MMP26: variants seen among roughly 807,000 people sequenced by gnomAD.
MMP26 encodes matrix metalloproteinase-26.
In MMP26, 33 loss-of-function variants were observed where a neutral mutation model predicts 31.0. That is an observed-to-expected ratio of 1.06 (90% CI 0.81 to 1.42). The LOEUF (loss-of-function observed/expected upper bound fraction) is 1.42, where lower values mean the gene tolerates loss of function less well. Ranked by LOEUF, MMP26 falls within the 40% of genes most tolerant of loss-of-function variation. The pLI is 0.00. For synonymous variants in MMP26, 122 were observed against 114.9 expected, an observed-to-expected ratio of 1.06 and a Z score of -0.40; for missense variants, 347 against 316.1, an observed-to-expected ratio of 1.10 and a Z score of -0.74.
At chr11:4,882,678 TC>T in intron 2 of MMP26, 2 of 1,613,932 alleles carry the variant, frequency 1.2e-6, no homozygotes. Context: ...CTGATCAGCC[TC>T]TCTTTGGCAC....
chr11:4,885,280 T>A (rs554361112), intron 2 of MMP26, among the ~76,000 whole-genome samples: 1 of 152,218 alleles, frequency 6.6e-6, no homozygotes, highest in South Asian at 2.1e-4. Context: ...AAATTTAAAA[T>A]CTAATACCAA....
At chr11:4,861,694 C>G (rs1325839160) in intron 2 of MMP26, among the ~76,000 whole-genome samples, 1 of 152,002 alleles carries the variant, frequency 6.6e-6, no homozygotes, top group Non-Finnish European at 1.5e-5. Flanking sequence ...TCATAAACAA[C>G]CACACATAAA....
chr11:4,828,694 G>A (rs1429271121), intron 2 of MMP26, among the ~76,000 whole-genome samples: 1 of 152,110 alleles, frequency 6.6e-6, no homozygotes, highest in Non-Finnish European at 1.5e-5. Flanking sequence ...AACTAGGTCT[G>A]CAATGCTCTC....
rs377575264 is a variant in MMP26, at chr11:4,982,962, A to G, written c.-144-5106A>G. On this transcript the variant is annotated intron_variant, in intron 2 of 7. Coordinates refer to ENST00000380390, the MANE Select transcript of MMP26 (RefSeq NM_021801.5). ...GGTTAAGATCTCACTCCAATTAGCC[A>G]CTAGCAAAGCTTGTATAGGTTTTTA... Among the ~76,000 whole-genome samples, 8 of 152,320 alleles carry G rather than the reference A, an allele frequency of 5.3e-5. No individual in the cohort carries two copies. The Middle Eastern group carries it at 0.014, about 259-fold the overall frequency.
chr11:4,843,279 C>T (rs370787034), intron 2 of MMP26, among the ~76,000 whole-genome samples: 16 of 152,332 alleles, frequency 1.1e-4, no homozygotes, highest in African/African-American at 3.8e-4. Context: ...GGCTCCAACC[C>T]TACATTTCCT....
chr11:4,774,528 GC>G (rs1180667435), intron 2 of MMP26, among the ~76,000 whole-genome samples: 1 of 151,936 alleles, frequency 6.6e-6, no homozygotes, highest in Non-Finnish European at 1.5e-5. Flanking sequence ...TGGATATTAG[GC>G]CTTTGTTGGA....
chr11:4,762,107 A>C (rs1335683081), intron 1 of MMP26, among the ~76,000 whole-genome samples: 4 of 152,216 alleles, frequency 2.6e-5, no homozygotes, highest in African/African-American at 9.6e-5. Context: ...GTTCAAGCTA[A>C]AGCAAACCAA....
intron 1 of MMP26, among the ~76,000 whole-genome samples, chr11:4,755,609 A>G (rs1325506793): frequency 6.6e-6 from 1 of 152,044 alleles, no homozygotes; most frequent in Non-Finnish European, 1.5e-5. Context: ...TACAAAAGAG[A>G]GTGAAATAAA....
intron 2 of MMP26, among the ~76,000 whole-genome samples, chr11:4,865,439 A>G (rs930587869): frequency 7.2e-5 from 11 of 152,144 alleles, no homozygotes; most frequent in African/African-American, 2.7e-4. Context: ...AAAAGGGGGA[A>G]GATATGAACC....
In MMP26 at chr11:4,990,711, G is replaced by C; in HGVS notation, c.434G>C (p.Gly145Ala). ...TPLIFQQVQN[G>A]DADIKVSFWQ... ...TTGATATTCCAGCAAGTGCAGAATGGAGATGCAGACATCAAGGTTTCTTTC... is the reference window on the plus strand; with the variant it reads ...TTGATATTCCAGCAAGTGCAGAATGCAGATGCAGACATCAAGGTTTCTTTC... The change falls in exon 5 of 8, where the codon GGA (glycine) becomes GCA (alanine). Residue 145 changes from glycine (G) to alanine (A), a missense_variant. Transcript: ENST00000380390. 1 of 1,614,138 alleles carries C rather than the reference G, an allele frequency of 6.2e-7. No homozygotes were observed. The highest frequency in any genetic ancestry group is 8.5e-7 in the Non-Finnish European group (1 of 1,179,990).
rs1040720600 is a variant in MMP26 at position 4,815,763 on chromosome 11, A to G, written c.-145+48422A>G. 2.6e-5 allele frequency among the ~76,000 whole-genome samples: 4 copies of G among 152,334 alleles called. No homozygotes were observed. In the South Asian group the frequency reaches 8.3e-4, roughly 32 times the overall value. On this transcript the variant is annotated intron_variant, in intron 2 of 7. Coordinates refer to ENST00000380390, the MANE Select transcript of MMP26 (RefSeq NM_021801.5). The stretch of plus-strand genomic sequence containing the variant: ...CTATGTAAAATAATCCCAGGAATAC[A>G]ACAATCCGACATGCCTCAAGAAATG...
intron 2 of MMP26, among the ~76,000 whole-genome samples, chr11:4,921,740 A>G (rs1851187477): frequency 6.6e-6 from 1 of 152,226 alleles, no homozygotes; most frequent in Non-Finnish European, 1.5e-5. Flanking sequence ...GTTATGCAAA[A>G]GCGGTTATGT....
In MMP26 at chr11:4,914,550, C is replaced by CA. The variant is rs1342044291; in HGVS notation, c.-144-73518_-144-73517insA. 2.1e-5 allele frequency: 12 copies of CA among 573,460 alleles called. No individual in the cohort carries two copies. In the South Asian group the frequency reaches 2.3e-4, roughly 11 times the overall value. 35.5% of individuals were successfully genotyped at this position (573,460 alleles called of 1,614,324 possible). A position where few individuals can be genotyped will look rare whatever the true frequency, so the allele number is the denominator to read the frequency against. On this transcript the variant is annotated intron_variant, in intron 2 of 7. Coordinates refer to ENST00000380390, the MANE Select transcript of MMP26 (RefSeq NM_021801.5). Reference sequence around the variant, plus strand: ...CCACATCATATTACATTTTACCCCCCCCTGCCCTGGCCACAACAGAGTGAG... The same window carrying CA: ...CCACATCATATTACATTTTACCCCCCACCTGCCCTGGCCACAACAGAGTGAG...
intron 2 of MMP26, among the ~76,000 whole-genome samples, chr11:4,827,542 G>C (rs917857782): frequency 6.6e-6 from 1 of 151,990 alleles, no homozygotes; most frequent in Non-Finnish European, 1.5e-5. Context: ...AGTGGTCTCA[G>C]GAAGGCTGCT....
intron 2 of MMP26, among the ~76,000 whole-genome samples, chr11:4,789,339 A>T (rs928577329): frequency 6.6e-6 from 1 of 151,924 alleles, no homozygotes; most frequent in Non-Finnish European, 1.5e-5. Context: ...CTCTATTTCT[A>T]TCTGGAAAAT....
intron 1 of MMP26, among the ~76,000 whole-genome samples, chr11:4,716,759 T>C (rs1004013962): frequency 4.1e-5 from 6 of 144,936 alleles, no homozygotes; most frequent in African/African-American, 1.5e-4. Context: ...CTTCCCAGGT[T>C]CAAGCGATTC....
At chr11:4,762,042 T>C (rs1848574807) in intron 1 of MMP26, among the ~76,000 whole-genome samples, 1 of 152,140 alleles carries the variant, frequency 6.6e-6, no homozygotes, top group East Asian at 1.9e-4. Context: ...ATCTGTACAG[T>C]GATTATTGTT....
intron 2 of MMP26, among the ~76,000 whole-genome samples, chr11:4,883,319 G>A (rs1206431658): frequency 6.6e-6 from 1 of 151,942 alleles, no homozygotes; most frequent in Non-Finnish European, 1.5e-5. Context: ...AGTTACATAT[G>A]TGCACAAAGG....
intron 2 of MMP26, among the ~76,000 whole-genome samples, chr11:4,881,442 A>G (rs1340184628): frequency 6.6e-6 from 1 of 152,206 alleles, no homozygotes; most frequent in Non-Finnish European, 1.5e-5. Flanking sequence ...ACTTTTATAC[A>G]TAATTTTAAA....
Sources: gnomAD v4.1 joint callset for allele counts (sites outside exome capture counted in the v4.1 genomes callset) on GRCh38, gnomAD v4.1.1 for gene constraint, MANE v1.5 for transcripts, NCBI Gene and HGNC (gene_info 2026-07-23, HGNC 2026-07-21) for gene names.